SLC24A2: variants seen among roughly 807,000 people sequenced by gnomAD.
SLC24A2 encodes sodium/potassium/calcium exchanger 2.
Under a neutral mutation model 62.0 loss-of-function variants are expected in SLC24A2, and 36 were observed. The ratio of observed to expected loss-of-function variants is 0.58; its 90% CI spans 0.44 to 0.77. The LOEUF is 0.77. SLC24A2 is among the 30% of genes least tolerant of loss of function. The pLI is 0.00. For synonymous variants in SLC24A2, 358 were observed against 294.0 expected, an observed-to-expected ratio of 1.22 and a Z score of -2.23; for missense variants, 846 against 817.9, an observed-to-expected ratio of 1.03 and a Z score of -0.42.
At chr9:19,935,724 G>T in the SLC24A2 span, among the ~76,000 whole-genome samples, 2 of 152,134 alleles carry the variant, frequency 1.3e-5, no homozygotes, top group Admixed American at 6.5e-5. Context: ...CTTCTGCCAG[G>T]TCCCCCACGT....
At chr9:19,954,151 A>G in the SLC24A2 span, among the ~76,000 whole-genome samples, 1 of 152,158 alleles carries the variant, frequency 6.6e-6, no homozygotes, top group Non-Finnish European at 1.5e-5. Context: ...CCTCTATTAA[A>G]TGATACATTT....
intron 2 of SLC24A2, among the ~76,000 whole-genome samples, chr9:19,746,728 GC>G (rs1381720144): frequency 1.3e-5 from 2 of 152,020 alleles, no homozygotes; most frequent in Non-Finnish European, 2.9e-5. Flanking sequence ...AAATTCATGG[GC>G]AGGCCAAACT....
In SLC24A2 at chr9:19,550,232, C is replaced by T; in HGVS notation, c.1384G>A (p.Ala462Thr). ...TGCTTGCGGGTTTCAGAAGGCCAGG[C>T]AAGGCTGAGAGGCTGGTCCTCCTCC... Reference protein sequence around the residue: ...DEEEDQPLSLAWPSETRKQVT... With the variant: ...DEEEDQPLSLTWPSETRKQVT... The change falls in exon 8 of 11, where the codon GCC (alanine) becomes ACC (threonine). Residue 462 changes from alanine (A) to threonine (T), a missense_variant. Coordinates refer to ENST00000341998, the MANE Select transcript of SLC24A2 (RefSeq NM_020344.4). 9 of 1,614,116 alleles carry T rather than the reference C, an allele frequency of 5.6e-6. No homozygotes were observed. Among genetic ancestry groups the T allele is most frequent in the Non-Finnish European group, 7.6e-6 (9 of 1,180,008 alleles).
At chr9:19,777,003 C>T (rs954616234) in intron 2 of SLC24A2, among the ~76,000 whole-genome samples, 5 of 152,140 alleles carry the variant, frequency 3.3e-5, no homozygotes, top group African/African-American at 9.7e-5. Flanking sequence ...CCCAAATCTT[C>T]GGTCATGAGG....
intron 2 of SLC24A2, among the ~76,000 whole-genome samples, chr9:19,636,305 T>TTTCCTTTCCTTTCC (rs1818321027): frequency 2.2e-5 from 1 of 44,884 alleles, no homozygotes; most frequent in African/African-American, 8.5e-5. Context: ...TTTTCTTTTC[T>TTTCCTTTCCTTTCC]TTTCTTTTCT....
the SLC24A2 span, among the ~76,000 whole-genome samples, chr9:20,239,701 A>C: frequency 3.9e-5 from 6 of 152,222 alleles, no homozygotes; most frequent in African/African-American, 1.4e-4. Flanking sequence ...AATCTCTCTG[A>C]ACTTTAGATA....
chr9:20,158,466 G>A, the SLC24A2 span, among the ~76,000 whole-genome samples: 32 of 151,682 alleles, frequency 2.1e-4, no homozygotes, highest in African/African-American at 7.7e-4. Flanking sequence ...TATGCCATTT[G>A]AGGACACATA....
chr9:19,835,643 C>T, the SLC24A2 span, among the ~76,000 whole-genome samples: 2 of 152,144 alleles, frequency 1.3e-5, no homozygotes, highest in Admixed American at 6.5e-5. Flanking sequence ...TTTAATACCC[C>T]ACTGTCAACA....
chr9:19,987,552 C>T, the SLC24A2 span, among the ~76,000 whole-genome samples: 30 of 152,136 alleles, frequency 2.0e-4, no homozygotes, highest in African/African-American at 7.0e-4. Flanking sequence ...TGCTTAAATG[C>T]CCCACTTACC....
At chr9:19,981,301 T>A in the SLC24A2 span, among the ~76,000 whole-genome samples, 1 of 152,188 alleles carries the variant, frequency 6.6e-6, no homozygotes, top group Non-Finnish European at 1.5e-5. Flanking sequence ...TCAAGCATTG[T>A]TCTAGTCACT....
the SLC24A2 span, among the ~76,000 whole-genome samples, chr9:20,000,996 G>C: frequency 6.6e-6 from 1 of 152,208 alleles, no homozygotes; most frequent in South Asian, 2.1e-4. Flanking sequence ...TGGTATCCAA[G>C]AGCAAAGATC....
the SLC24A2 span, among the ~76,000 whole-genome samples, chr9:20,225,018 A>AG: frequency 3.3e-5 from 5 of 152,100 alleles, no homozygotes; most frequent in African/African-American, 1.2e-4. Flanking sequence ...GATCAAGCTG[A>AG]GGCAAGACCT....
At chr9:20,063,490 T>G in the SLC24A2 span, among the ~76,000 whole-genome samples, 1 of 88,098 alleles carries the variant, frequency 1.1e-5, no homozygotes, top group East Asian at 4.0e-4. Flanking sequence ...TGGGGACTGT[T>G]GTGGGGTGGG....
the SLC24A2 span, among the ~76,000 whole-genome samples, chr9:19,949,471 G>A: frequency 2.1e-3 from 317 of 152,296 alleles, 2 homozygotes; most frequent in African/African-American, 7.2e-3. Flanking sequence ...ATAGTCAAAG[G>A]CTTTCAAGTC....
At chr9:20,230,014 G>A in the SLC24A2 span, among the ~76,000 whole-genome samples, 2 of 151,970 alleles carry the variant, frequency 1.3e-5, no homozygotes, top group Admixed American at 6.5e-5. Flanking sequence ...ATAGTTTGCT[G>A]GGAATGATGG....
the SLC24A2 span, among the ~76,000 whole-genome samples, chr9:20,053,919 A>T: frequency 6.6e-6 from 1 of 151,218 alleles, no homozygotes; most frequent in Non-Finnish European, 1.5e-5. Context: ...TCCCCATTGT[A>T]TCAATGTTTA....
the SLC24A2 span, among the ~76,000 whole-genome samples, chr9:20,082,765 T>G: frequency 1.3e-5 from 2 of 152,250 alleles, no homozygotes; most frequent in Non-Finnish European, 2.9e-5. Flanking sequence ...AGCTTGGAAT[T>G]GATTTCAAAT....
At chr9:19,528,552 C>T (rs1833541733) in intron 8 of SLC24A2, among the ~76,000 whole-genome samples, 1 of 152,066 alleles carries the variant, frequency 6.6e-6, no homozygotes, top group South Asian at 2.1e-4. Context: ...GCTTGCAAAC[C>T]ATGAATCCTA....
At chr9:19,947,077 G>A in the SLC24A2 span, among the ~76,000 whole-genome samples, 1 of 152,184 alleles carries the variant, frequency 6.6e-6, no homozygotes, top group Non-Finnish European at 1.5e-5. Context: ...CTTGGACTGG[G>A]TCAATACATG....
Sources: gnomAD v4.1 joint callset for allele counts (sites outside exome capture counted in the v4.1 genomes callset) on GRCh38, gnomAD v4.1.1 for gene constraint, MANE v1.5 for transcripts, NCBI Gene and HGNC (gene_info 2026-07-23, HGNC 2026-07-21) for gene names.